The following MMP16 variants were observed in gnomAD, a reference collection of about 807,000 sequenced individuals.
MMP16 encodes the protein matrix metalloproteinase-16.
In MMP16, 12 loss-of-function variants were observed where a neutral mutation model predicts 67.8. The observed-to-expected ratio is 0.18, with a 90% confidence interval of 0.11 to 0.29. The LOEUF is 0.29. MMP16 is among the 10% of genes least tolerant of loss of function. The pLI is 1.00. For missense variants in MMP16, 475 were observed against 765.7 expected (o/e 0.62, Z 4.48); for synonymous variants, 249 against 255.9 (o/e 0.97, Z 0.26).
chr8:88,233,194 T>C (rs1419276952), intron 1 of MMP16, among the ~76,000 whole-genome samples: 24 of 152,168 alleles, frequency 1.6e-4, no homozygotes, highest in Admixed American at 1.4e-3. Flanking sequence ...AAATGCCAGA[T>C]ATTATTATTC....
At chr8:88,108,369 C>A (rs1809278672) in intron 6 of MMP16, among the ~76,000 whole-genome samples, 1 of 151,148 alleles carries the variant, frequency 6.6e-6, no homozygotes. Flanking sequence ...TCTGAGAGAG[C>A]AATTTGCACA....
rs1419351369 is a variant in MMP16 at position 88,298,863 on chromosome 8, C to T, written c.132+28212G>A. ...GGTCAGAGTACCCAGTTTGAGGAAT[C>T]AAGTTGAATTTCAATACCTGGTTAT... is the stretch of plus-strand genomic sequence containing the variant. On this transcript the variant is annotated intron_variant, in intron 1 of 9. Transcript: ENST00000286614. Among the ~76,000 whole-genome samples, 4 of 152,002 alleles carry T rather than the reference C, an allele frequency of 2.6e-5. No homozygotes were observed. In the South Asian group the frequency reaches 6.2e-4, roughly 24 times the overall value.
At position 88,229,699 on chromosome 8, in the gene MMP16, GA is replaced by G. The variant is rs34747273; in HGVS notation, c.133-32394del. Among the ~76,000 whole-genome samples the G allele has an allele frequency of 6.5e-3, 960 of 147,810 alleles. 13 individuals carry two copies. The highest frequency in any genetic ancestry group is 0.022 in the African/African-American group (897 of 40,404). On this transcript the variant is annotated intron_variant, in intron 1 of 9. Transcript: ENST00000286614. ...TGACTTAATCACCTAGTGATTGTTAGAAAAAAAAAAGACAAGAATGCTATTG... is the reference window on the plus strand; with the variant it reads ...TGACTTAATCACCTAGTGATTGTTAGAAAAAAAAAGACAAGAATGCTATTG...
At position 88,032,234 on chromosome 8, in the gene MMP16, T is replaced by G. The variant is rs1407055025; in HGVS notation, c.*9227A>C. On this transcript the variant is annotated 3_prime_UTR_variant, in exon 10 of 10. Coordinates refer to ENST00000286614, the MANE Select transcript of MMP16 (RefSeq NM_005941.5). ...CAAATCACTGCACAGCCCTTAACTC[T>G]TTGATTGCCATGGCAAGAACCATGC... 1 of 152,172 alleles carries G rather than the reference T, an allele frequency of 6.6e-6. No individual in the cohort carries two copies. Among genetic ancestry groups the G allele is most frequent in the African/African-American group, 2.4e-5 (1 of 41,440 alleles). 9.4% of individuals were successfully genotyped at this position (152,172 alleles called of 1,614,324 possible).
At chr8:88,093,155 A>G (rs2118351681) in intron 6 of MMP16, among the ~76,000 whole-genome samples, 1 of 151,964 alleles carries the variant, frequency 6.6e-6, no homozygotes, top group African/African-American at 2.4e-5. Flanking sequence ...AAAACTTAAC[A>G]CATGTAACAA....
intron 7 of MMP16, among the ~76,000 whole-genome samples, chr8:88,067,481 A>G (rs1402286490): frequency 6.6e-6 from 1 of 152,130 alleles, no homozygotes; most frequent in Non-Finnish European, 1.5e-5. Flanking sequence ...AATGTGTATA[A>G]TTTATTAAGT....
intron 1 of MMP16, among the ~76,000 whole-genome samples, chr8:88,205,462 T>C (rs546248744): frequency 2.1e-4 from 32 of 152,348 alleles, no homozygotes; most frequent in African/African-American, 7.5e-4. Flanking sequence ...GGCACTGAGC[T>C]GTGGCTGCAT....
chr8:88,108,512 C>A (rs911383551), intron 6 of MMP16, among the ~76,000 whole-genome samples: 2 of 151,170 alleles, frequency 1.3e-5, no homozygotes, highest in African/African-American at 4.8e-5. Context: ...AACCTTTTTT[C>A]TTCTTTATGT....
chr8:88,217,943 T>A (rs1366995639), intron 1 of MMP16, among the ~76,000 whole-genome samples: 5 of 152,054 alleles, frequency 3.3e-5, no homozygotes, highest in Admixed American at 1.3e-4. Context: ...CACAGAACAC[T>A]GCACCTTGGT....
intron 7 of MMP16, 135 bp downstream of exon 7, chr8:88,074,470 T>G (rs1371862044): frequency 7.2e-6 from 5 of 692,812 alleles, no homozygotes; most frequent in Non-Finnish European, 1.1e-5. Context: ...TCTTCATTTA[T>G]ATTTCTAGTT....
At chr8:88,213,080 A>C (rs2129822967) in intron 1 of MMP16, among the ~76,000 whole-genome samples, 1 of 152,236 alleles carries the variant, frequency 6.6e-6, no homozygotes, top group African/African-American at 2.4e-5. Context: ...TATCTGACAA[A>C]ATTTTAAAAG....
intron 1 of MMP16, among the ~76,000 whole-genome samples, chr8:88,304,235 C>T (rs1344423121): frequency 6.6e-6 from 1 of 151,562 alleles, no homozygotes; most frequent in East Asian, 1.9e-4. Context: ...GATAGGCAGA[C>T]AAGAAGAGAG....
chr8:88,260,486 C>A (rs973059273), intron 1 of MMP16, among the ~76,000 whole-genome samples: 3 of 151,976 alleles, frequency 2.0e-5, no homozygotes, highest in Non-Finnish European at 1.5e-5. Context: ...AAATAAGTAT[C>A]TACTGATATT....
chr8:88,255,568 A>C (rs1377071056), intron 1 of MMP16, among the ~76,000 whole-genome samples: 2 of 152,188 alleles, frequency 1.3e-5, no homozygotes, highest in Non-Finnish European at 2.9e-5. Context: ...ATCACAAAGG[A>C]TGAATTTGGA....
chr8:88,210,534 C>A (rs1019514920), intron 1 of MMP16, among the ~76,000 whole-genome samples: 1 of 152,148 alleles, frequency 6.6e-6, no homozygotes, highest in African/African-American at 2.4e-5. Context: ...TACCACCGTA[C>A]TCTCCCCCAT....
At chr8:88,158,109 G>A (rs1175472844) in intron 4 of MMP16, among the ~76,000 whole-genome samples, 3 of 151,942 alleles carry the variant, frequency 2.0e-5, no homozygotes, top group Non-Finnish European at 4.4e-5. Context: ...CTTTGCTATT[G>A]TGAATAGTGC....
chr8:88,290,548 G>A (rs1056276095), intron 1 of MMP16, among the ~76,000 whole-genome samples: 7 of 150,948 alleles, frequency 4.6e-5, no homozygotes, highest in South Asian at 2.1e-4. Flanking sequence ...GTGAGACTCC[G>A]TCTCAAAAAA....
intron 1 of MMP16, among the ~76,000 whole-genome samples, chr8:88,221,961 C>T (rs1247416135): frequency 3.3e-5 from 5 of 151,956 alleles, no homozygotes; most frequent in Non-Finnish European, 7.4e-5. Flanking sequence ...TGATATATTA[C>T]AAAACATCTG....
At chr8:88,114,067 TCTGA>T (rs1166568957) in intron 6 of MMP16, among the ~76,000 whole-genome samples, 3 of 151,934 alleles carry the variant, frequency 2.0e-5, no homozygotes, top group African/African-American at 7.2e-5. Flanking sequence ...AAAAAACTTT[TCTGA>T]CTTTCATTTT....
Sources: gnomAD v4.1 joint callset for allele counts (sites outside exome capture counted in the v4.1 genomes callset) on GRCh38, gnomAD v4.1.1 for gene constraint, MANE v1.5 for transcripts, NCBI Gene and HGNC (gene_info 2026-07-23, HGNC 2026-07-21) for gene names.